Variants in RBFOX1 observed in about 807,000 individuals in gnomAD.
The protein encoded by RBFOX1 is RNA binding protein fox-1 homolog 1.
A neutral mutation model predicts 57.7 loss-of-function variants in RBFOX1; 8 were observed. The ratio of observed to expected loss-of-function variants is 0.14; its 90% confidence interval spans 0.08 to 0.25. The LOEUF is 0.25. Among genes scored for constraint, RBFOX1 ranks in the 10% least tolerant of loss-of-function variants. The pLI is 1.00. For missense variants in RBFOX1, 611 were observed against 548.5 expected, an observed-to-expected ratio of 1.11 and a Z score of -1.14; for synonymous variants, 326 against 222.4, an observed-to-expected ratio of 1.47 and a Z score of -4.15.
intron 3 of RBFOX1, among the ~76,000 whole-genome samples, chr16:5,622,430 C>T (rs993316236): frequency 1.3e-5 from 2 of 152,174 alleles, no homozygotes; most frequent in East Asian, 1.9e-4. Context: ...GCGTAGTAAG[C>T]CCTTGGTAAA....
chr16:6,513,325 C>A (rs940971949), intron 2 of RBFOX1, among the ~76,000 whole-genome samples: 1 of 152,208 alleles, frequency 6.6e-6, no homozygotes, highest in Non-Finnish European at 1.5e-5. Flanking sequence ...GTCAGCTTCT[C>A]CTCCTTGTTG....
chr16:7,488,843 C>T (rs543180860), intron 4 of RBFOX1, among the ~76,000 whole-genome samples: 2 of 152,134 alleles, frequency 1.3e-5, no homozygotes, highest in Non-Finnish European at 1.5e-5. Context: ...TTCTCACATC[C>T]ATTATCTATC....
intron 4 of RBFOX1, among the ~76,000 whole-genome samples, chr16:7,454,579 C>T (rs2058097290): frequency 6.6e-6 from 1 of 152,086 alleles, no homozygotes; most frequent in Non-Finnish European, 1.5e-5. Context: ...TGTCCCCTAC[C>T]TTGGTGCATG....
intron 4 of RBFOX1, among the ~76,000 whole-genome samples, chr16:7,494,707 G>A (rs905265340): frequency 5.3e-5 from 8 of 152,086 alleles, no homozygotes; most frequent in African/African-American, 1.9e-4. Flanking sequence ...CCTGGTAAGA[G>A]GCAAAGCCAG....
At chr16:5,924,571 C>T (rs1047291692) in intron 4 of RBFOX1, among the ~76,000 whole-genome samples, 6 of 152,190 alleles carry the variant, frequency 3.9e-5, no homozygotes, top group African/African-American at 1.2e-4. Context: ...AACTCCCCTT[C>T]ATTTTCCACC....
chr16:5,450,826 A>G (rs114194344), intron 1 of RBFOX1, among the ~76,000 whole-genome samples: 1,905 of 152,212 alleles, frequency 0.013, 53 homozygotes, highest in African/African-American at 0.044. Context: ...AGAAGTGTGC[A>G]CCAGATGCAC....
intron 1 of RBFOX1, among the ~76,000 whole-genome samples, chr16:6,035,087 C>T (rs773368675): frequency 2.0e-5 from 3 of 151,328 alleles, no homozygotes; most frequent in Non-Finnish European, 4.4e-5. Flanking sequence ...TTAATAGCAT[C>T]CCTGGCCTCT....
intron 3 of RBFOX1, among the ~76,000 whole-genome samples, chr16:6,786,311 T>G (rs7204283): frequency 6.6e-6 from 1 of 151,930 alleles, no homozygotes; most frequent in Non-Finnish European, 1.5e-5. Flanking sequence ...GTTATAATTC[T>G]TCCCACATTA....
At chr16:7,379,378 A>C (rs2097746793) in intron 4 of RBFOX1, among the ~76,000 whole-genome samples, 1 of 152,208 alleles carries the variant, frequency 6.6e-6, no homozygotes, top group Non-Finnish European at 1.5e-5. Flanking sequence ...GTAATAGCCT[A>C]ATTGGAGCGA....
intron 2 of RBFOX1, among the ~76,000 whole-genome samples, chr16:5,548,170 AAAAAATAT>A (rs1198828888): frequency 4.1e-3 from 167 of 40,690 alleles, no homozygotes; most frequent in African/African-American, 8.5e-3. Flanking sequence ...AAAAAAAAAA[AAAAAATAT>A]ATATATATAT....
intron 3 of RBFOX1, among the ~76,000 whole-genome samples, chr16:5,799,259 C>G (rs1304075058): frequency 3.3e-5 from 5 of 152,052 alleles, no homozygotes; most frequent in Non-Finnish European, 7.4e-5. Context: ...GCCCCCATGA[C>G]TCATTTATCT....
intron 4 of RBFOX1, among the ~76,000 whole-genome samples, chr16:5,896,955 C>T (rs1218564954): frequency 6.7e-6 from 1 of 149,078 alleles, no homozygotes; most frequent in African/African-American, 2.5e-5. Context: ...AGCTACGTTA[C>T]CCCCGCTATT....
chr16:7,667,450 TA>T (rs2069728943), intron 13 of RBFOX1, among the ~76,000 whole-genome samples: 1 of 152,350 alleles, frequency 6.6e-6, no homozygotes, highest in East Asian at 1.9e-4. Flanking sequence ...TCCCTTGAGA[TA>T]CCAGCATGTT....
chr16:5,621,687 A>C (rs1304954122), intron 3 of RBFOX1, among the ~76,000 whole-genome samples: 2 of 152,324 alleles, frequency 1.3e-5, no homozygotes, highest in East Asian at 3.9e-4. Context: ...AGGATATGGA[A>C]AATACCAGGA....
chr16:7,276,173 C>A (rs373641429), intron 4 of RBFOX1, among the ~76,000 whole-genome samples: 2 of 152,312 alleles, frequency 1.3e-5, no homozygotes, highest in Non-Finnish European at 1.5e-5. Flanking sequence ...TTGGAAGGAC[C>A]ATGCCAAGTC....
chr16:7,687,848 G>T (rs894677162), intron 14 of RBFOX1, among the ~76,000 whole-genome samples: 3 of 151,950 alleles, frequency 2.0e-5, no homozygotes, highest in Non-Finnish European at 2.9e-5. Flanking sequence ...GTTCAGAGAG[G>T]TATTCATACA....
chr16:6,505,996 C>G (rs1441651323), intron 2 of RBFOX1, among the ~76,000 whole-genome samples: 2 of 152,154 alleles, frequency 1.3e-5, no homozygotes, highest in Admixed American at 6.5e-5. Context: ...TAGCAAACCT[C>G]TAATTACTAT....
chr16:6,547,686 T>C (rs1285751533), intron 2 of RBFOX1, among the ~76,000 whole-genome samples: 1 of 152,136 alleles, frequency 6.6e-6, no homozygotes, highest in African/African-American at 2.4e-5. Flanking sequence ...TGTAATAAGA[T>C]AGCTGATCTT....
intron 2 of RBFOX1, among the ~76,000 whole-genome samples, chr16:6,491,178 CTATT>C (rs773948115): frequency 7.3e-5 from 11 of 150,990 alleles, no homozygotes; most frequent in East Asian, 2.1e-4. Flanking sequence ...AGTCTATAGT[CTATT>C]TATATGTACA....
Sources: allele counts gnomAD v4.1 joint callset (sites outside exome capture counted in the v4.1 genomes callset), GRCh38; gene constraint gnomAD v4.1.1; transcripts MANE v1.5; gene names NCBI Gene and HGNC (gene_info 2026-07-23, HGNC 2026-07-21).